The following AP5Z1 variants were observed in gnomAD, a reference collection of about 807,000 sequenced individuals.
AP5Z1 encodes AP-5 complex subunit zeta-1.
Under a neutral mutation model 83.0 loss-of-function variants are expected in AP5Z1, and 106 were observed. That is an observed-to-expected ratio of 1.28 (90% CI 1.09 to 1.50). The LOEUF (loss-of-function observed/expected upper bound fraction) is 1.50. Among genes scored for constraint, AP5Z1 ranks in the 40% most tolerant of loss-of-function variants. The pLI is 0.00. For missense variants in AP5Z1, 1,565 were observed against 1,094.2 expected (o/e 1.43, Z -6.07); for synonymous variants, 751 against 514.1 (o/e 1.46, Z -6.23).
Position 4,790,582 on chromosome 7 carries a change from C to CA in AP5Z1, c.1930dup (p.Thr644AsnfsTer119). On this transcript the variant is annotated frameshift_variant, in exon 15 of 17. Coordinates refer to ENST00000649063, the MANE Select transcript of AP5Z1 (RefSeq NM_014855.3). LOFTEE classifies it high-confidence loss of function. ...GTCTCTGCAGCAGGGCGAGCCTCGT[C>CA]ACCAGCGTGGTAAGGCGGGCGCTGG... The CA allele has an allele frequency of 6.2e-7, 1 of 1,613,036 alleles. No homozygotes were observed. Among genetic ancestry groups the CA allele is most frequent in the Non-Finnish European group, 8.5e-7 (1 of 1,179,858 alleles).
rs761290075 is a variant in AP5Z1, at chr7:4,788,909, C to T, written c.1665C>T (p.Ala555=). The part of the protein sequence containing the change: ...GCARVAQCAQ[A]VPTLLQAFFS... ...CCCGCGTGGCCCAGTGTGCCCAGGC[C>T]GTGCCCACGCTGCTGCAGGCATTCT... The change falls in exon 13 of 17, where the codon GCC becomes GCT. Residue 555 remains alanine, a synonymous_variant. Coordinates refer to ENST00000649063, the MANE Select transcript of AP5Z1 (RefSeq NM_014855.3). The T allele has an allele frequency of 2.4e-5, 38 of 1,611,238 alleles. No homozygotes were observed. Among genetic ancestry groups the T allele is most frequent in the Middle Eastern group, 1.6e-4 (1 of 6,076 alleles).
In AP5Z1 at chr7:4,791,731, A is replaced by G. The variant is rs1045763673; in HGVS notation, c.*346A>G. 5 of 365,328 alleles carry G rather than the reference A, an allele frequency of 1.4e-5. No individual in the cohort carries two copies. The highest frequency in any genetic ancestry group is 2.1e-5 in the African/African-American group (1 of 48,662). The allele number at this position is 365,328 out of a possible 1,614,324, so 22.6% of individuals were successfully genotyped here. On this transcript the variant is annotated 3_prime_UTR_variant, in exon 17 of 17. Coordinates refer to ENST00000649063, the MANE Select transcript of AP5Z1 (RefSeq NM_014855.3). The stretch of plus-strand genomic sequence containing the variant: ...ACAGTTGATGGGCAAGAAGAGCTGC[A>G]GTAAAAGTAAATCTCCTTTAATAAG...
intron 3 of AP5Z1, among the ~76,000 whole-genome samples, chr7:4,782,508 C>T (rs902980379): frequency 2.6e-5 from 4 of 152,200 alleles, no homozygotes; most frequent in African/African-American, 9.7e-5. Context: ...TCCCAGCCTG[C>T]AGCGTCATGA....
rs146265086 is a variant in AP5Z1 at position 4,788,117 on chromosome 7, C to T, written c.1455-37C>T. 1,105 of 1,492,074 alleles carry T rather than the reference C, an allele frequency of 7.4e-4. 7 individuals are homozygous for T. In the African/African-American group the frequency reaches 0.011, roughly 15 times the overall value. 92.4% of individuals were successfully genotyped at this position (1,492,074 alleles called of 1,614,324 possible). A position where few individuals can be genotyped will look rare whatever the true frequency, so the allele number is the denominator to read the frequency against. On this transcript the variant is annotated intron_variant, in intron 11 of 16. Coordinates refer to ENST00000649063, the MANE Select transcript of AP5Z1 (RefSeq NM_014855.3). ...CGGGGGTGCCCTTGAGTGCAGGGGCCGCATCCCAGCCTGGCCTTGGGCGTC... is the reference window on the plus strand; with the variant it reads ...CGGGGGTGCCCTTGAGTGCAGGGGCTGCATCCCAGCCTGGCCTTGGGCGTC...
chr7:4,788,345 A>G, intron 12 of AP5Z1, 51 bp downstream of exon 12: 1 of 1,515,762 alleles, frequency 6.6e-7, no homozygotes, highest in Non-Finnish European at 8.9e-7. Context: ...GAGCCCGGCC[A>G]CAGCCACTGG....
At chr7:4,790,180 C>G in intron 14 of AP5Z1, 1 of 1,535,782 alleles carries the variant, frequency 6.5e-7, no homozygotes, top group South Asian at 1.2e-5. Flanking sequence ...GTCCCTCTTC[C>G]CCGTCTTGTC....
intron 1 of AP5Z1, among the ~76,000 whole-genome samples, 163 bp downstream of exon 1, chr7:4,775,919 T>G (rs929260410): frequency 1.3e-5 from 2 of 151,878 alleles, no homozygotes; most frequent in African/African-American, 4.8e-5. Context: ...GCGGCCAGGC[T>G]TGGGGTGAGG....
chr7:4,784,010 C>T (rs749471376), intron 5 of AP5Z1, among the ~76,000 whole-genome samples, 193 bp from the exon 6 acceptor site: 32 of 152,182 alleles, frequency 2.1e-4, no homozygotes, highest in Non-Finnish European at 2.1e-4. Flanking sequence ...CCAGGGCCTG[C>T]GGAGCAGGGT....
At chr7:4,780,851 T>G (rs1781362148) in intron 1 of AP5Z1, among the ~76,000 whole-genome samples, 1 of 152,166 alleles carries the variant, frequency 6.6e-6, no homozygotes, top group African/African-American at 2.4e-5. Context: ...CTAGAGTAAA[T>G]TTCCTACTCT....
Position 4,792,699 on chromosome 7 carries a change from G to T in AP5Z1, c.*1314G>T, listed in dbSNP as rs1001073949. 6.6e-6 allele frequency: 1 copy of T among 152,256 alleles called. No homozygotes were observed. The highest frequency in any genetic ancestry group is 1.5e-5 in the Non-Finnish European group (1 of 68,054). 9.4% of individuals were successfully genotyped at this position (152,256 alleles called of 1,614,324 possible). ...CAGGGCCGCTGAGCCGGGGCCGCAGGAAAGGCTGGCGCTGGCAGGCGCTTC... is the reference window on the plus strand; with the variant it reads ...CAGGGCCGCTGAGCCGGGGCCGCAGTAAAGGCTGGCGCTGGCAGGCGCTTC... On this transcript the variant is annotated 3_prime_UTR_variant, in exon 17 of 17. Transcript: ENST00000649063.
Position 4,784,153 on chromosome 7 carries a change from T to G in AP5Z1, c.622-50T>G, listed in dbSNP as rs761152564. On this transcript the variant is annotated intron_variant, in intron 5 of 16. Transcript: ENST00000649063. ...AGGAGCTTGTGCTAAAGGCTGGCGT[T>G]TTTCCCGGCCTCGGCCCCCTCCGCC... 5.2e-6 allele frequency: 8 copies of G among 1,529,340 alleles called. No individual in the cohort carries two copies. In the South Asian group the frequency reaches 8.5e-5, roughly 16 times the overall value. 94.7% of individuals were successfully genotyped at this position (1,529,340 alleles called of 1,614,324 possible). A position where few individuals can be genotyped will look rare whatever the true frequency, so the allele number is the denominator to read the frequency against.
chr7:4,779,582 C>A (rs1781326041), intron 1 of AP5Z1, among the ~76,000 whole-genome samples: 1 of 151,526 alleles, frequency 6.6e-6, no homozygotes, highest in Admixed American at 6.6e-5. Flanking sequence ...AGCAGTTCTC[C>A]CACCTCAGCC....
intron 1 of AP5Z1, among the ~76,000 whole-genome samples, chr7:4,778,509 T>TCTGGAGAAGG (rs1781283160): frequency 1.3e-5 from 2 of 151,288 alleles, no homozygotes; most frequent in South Asian, 4.2e-4. Context: ...GGACATGGAG[T>TCTGGAGAAGG]CTGGAGAAGG....
chr7:4,785,469 C>T lies in AP5Z1; in HGVS notation c.969+17C>T, dbSNP rs758676935. 9 of 1,613,014 alleles carry T rather than the reference C, an allele frequency of 5.6e-6. No homozygotes were observed. The East Asian group carries it at 1.3e-4, about 24-fold the overall frequency. On this transcript the variant is annotated intron_variant, in intron 8 of 16. Transcript: ENST00000649063. ...CAGAAAGCTGTAAGTGGCTGGGGAC[C>T]AGGGGATGGGAGGCAGCGACTCGGC...
In AP5Z1 at chr7:4,792,368, C is replaced by T. The variant is rs1199183505; in HGVS notation, c.*983C>T. Reference sequence around the variant, plus strand: ...TTTTGCTCTGGCCCCGCCCACCTCCCCTCCGGCCTCGGCCCCGCCCCCAAT... The same window carrying T: ...TTTTGCTCTGGCCCCGCCCACCTCCTCTCCGGCCTCGGCCCCGCCCCCAAT... On this transcript the variant is annotated 3_prime_UTR_variant, in exon 17 of 17. Transcript: ENST00000649063. 1 of 149,876 alleles carries T rather than the reference C, an allele frequency of 6.7e-6. No individual in the cohort carries two copies. The highest frequency in any genetic ancestry group is 1.5e-5 in the Non-Finnish European group (1 of 66,524). 9.3% of individuals were successfully genotyped at this position (149,876 alleles called of 1,614,324 possible). A position where few individuals can be genotyped will look rare whatever the true frequency, so the allele number is the denominator to read the frequency against.
At position 4,790,836 on chromosome 7, in the gene AP5Z1, T is replaced by C. The variant is rs1317738698; in HGVS notation, c.2102T>C (p.Leu701Pro). 9 of 1,609,566 alleles carry C rather than the reference T, an allele frequency of 5.6e-6. No homozygotes were observed. The highest frequency in any genetic ancestry group is 3.3e-4 in the Middle Eastern group (2 of 6,056). Reference protein sequence around the residue: ...PRCPPQVVTVLMTTLTKLASR... With the variant: ...PRCPPQVVTVPMTTLTKLASR... ...TGTCCCCCCCAGGTGGTCACCGTGC[T>C]GATGACCACGCTGACGAAGCTGGCC... The change falls in exon 16 of 17, where the codon CTG becomes CCG. Residue 701 changes from leucine to proline, a missense_variant. Physicochemically the swap from Leu to Pro is moderately conservative, Grantham distance 98 (BLOSUM62 -3). Coordinates refer to ENST00000649063, the MANE Select transcript of AP5Z1 (RefSeq NM_014855.3).
At chr7:4,781,526 T>C in intron 2 of AP5Z1, 42 bp from the exon 3 acceptor site, 3 of 1,590,142 alleles carry the variant, frequency 1.9e-6, no homozygotes, top group Non-Finnish European at 2.6e-6. Flanking sequence ...CCTGCCACGG[T>C]CGTGACGTGT....
intron 11 of AP5Z1, among the ~76,000 whole-genome samples, 177 bp from the exon 12 acceptor site, chr7:4,787,977 G>C (rs1180733148): frequency 5.3e-5 from 8 of 152,116 alleles, no homozygotes; most frequent in African/African-American, 1.9e-4. Flanking sequence ...GGCAGCCCCT[G>C]CACCCTGGAG....
rs2271479 is a variant in AP5Z1 at position 4,781,609 on chromosome 7, G to C, written c.221G>C (p.Gly74Ala). The change falls in exon 3 of 17, where the codon GGC becomes GCC. Residue 74 changes from glycine (G) to alanine (A), a missense_variant. Gly to Ala is a moderately conservative substitution (Grantham distance 60). Coordinates refer to ENST00000649063, the MANE Select transcript of AP5Z1 (RefSeq NM_014855.3). ...TCVDLLQATLGLPACPEQLQV... is the reference protein window; with the variant it reads ...TCVDLLQATLALPACPEQLQV... Reference sequence around the variant, plus strand: ...GTAGACCTGCTGCAGGCCACCCTCGGCCTGCCTGCATGCCCCGAGCAGCTC... The same window carrying C: ...GTAGACCTGCTGCAGGCCACCCTCGCCCTGCCTGCATGCCCCGAGCAGCTC... 1.2e-6 allele frequency: 2 copies of C among 1,610,138 alleles called. No individual in the cohort carries two copies. Among genetic ancestry groups the C allele is most frequent in the East Asian group, 4.5e-5 (2 of 44,770 alleles).
Sources: gnomAD v4.1 joint callset for allele counts (sites outside exome capture counted in the v4.1 genomes callset) on GRCh38, gnomAD v4.1.1 for gene constraint, MANE v1.5 for transcripts, NCBI Gene and HGNC (gene_info 2026-07-23, HGNC 2026-07-21) for gene names.